The following DUSP22 variants were observed in gnomAD, a reference collection of about 807,000 sequenced individuals.
The protein encoded by DUSP22 is dual specificity phosphatase 22, also known as dual specificity protein phosphatase 22.
Under a neutral mutation model 24.5 loss-of-function variants are expected in DUSP22, and 24 were observed. The ratio of observed to expected loss-of-function variants is 0.98; its 90% CI spans 0.71 to 1.38. DUSP22 has a LOEUF of 1.38. Among genes scored for constraint, DUSP22 ranks in the 40% most tolerant of loss-of-function variants. DUSP22 has a pLI of 0.00. For synonymous variants in DUSP22, 160 were observed against 106.4 expected, an observed-to-expected ratio of 1.50 and a Z score of -3.10; for missense variants, 330 against 269.2, an observed-to-expected ratio of 1.23 and a Z score of -1.58.
chr6:338,226 G>T (rs1231533826), intron 4 of DUSP22: 1 of 152,368 alleles, frequency 6.6e-6, no homozygotes, highest in Admixed American at 6.5e-5. Context: ...TGTAAATATT[G>T]CTTGCTGTAC....
At chr6:318,950 C>G (rs1024764881) in intron 3 of DUSP22, among the ~76,000 whole-genome samples, 2 of 152,294 alleles carry the variant, frequency 1.3e-5, no homozygotes. Context: ...AGGATGATAC[C>G]CATCATATAA....
intron 3 of DUSP22, among the ~76,000 whole-genome samples, chr6:316,517 C>T (rs1352458619): frequency 6.6e-6 from 1 of 152,300 alleles, no homozygotes; most frequent in Non-Finnish European, 1.5e-5. Flanking sequence ...ACTGATGGCT[C>T]CAGGTTTGAG....
At chr6:318,094 C>T (rs1210224142) in intron 3 of DUSP22, among the ~76,000 whole-genome samples, 1 of 152,308 alleles carries the variant, frequency 6.6e-6, no homozygotes. Flanking sequence ...TCCTGTTCTA[C>T]AGAGCTGCTG....
intron 4 of DUSP22, among the ~76,000 whole-genome samples, chr6:341,192 C>T (rs1360050925): frequency 6.6e-6 from 1 of 152,304 alleles, no homozygotes; most frequent in Non-Finnish European, 1.5e-5. Flanking sequence ...TGGTCCGGTC[C>T]GTGCTTCCTT....
intron 3 of DUSP22, among the ~76,000 whole-genome samples, chr6:329,980 C>G (rs1451563665): frequency 6.6e-6 from 1 of 152,272 alleles, no homozygotes; most frequent in African/African-American, 2.4e-5. Context: ...TGAGAGTTCG[C>G]TGGCTGGTTT....
At chr6:307,589 A>C (rs1757867307) in intron 2 of DUSP22, among the ~76,000 whole-genome samples, 1 of 152,304 alleles carries the variant, frequency 6.6e-6, no homozygotes, top group Admixed American at 6.5e-5. Flanking sequence ...CCAGGAGGGA[A>C]GGCAGGGAGT....
At chr6:321,138 A>G (rs552110444) in intron 3 of DUSP22, among the ~76,000 whole-genome samples, 106 of 152,386 alleles carry the variant, frequency 7.0e-4, no homozygotes, top group African/African-American at 2.3e-3. Context: ...GATGGAGATG[A>G]CAGGTGAGTT....
At chr6:335,430 A>T (rs1376858646) in intron 4 of DUSP22, among the ~76,000 whole-genome samples, 1 of 152,428 alleles carries the variant, frequency 6.6e-6, no homozygotes, top group Non-Finnish European at 1.5e-5. Context: ...TTTACAAAGG[A>T]TACCTTAAAC....
intron 1 of DUSP22, among the ~76,000 whole-genome samples, chr6:293,846 T>G (rs1757205390): frequency 7.0e-6 from 1 of 143,316 alleles, no homozygotes; most frequent in Non-Finnish European, 1.5e-5. Context: ...GGAAACAGAC[T>G]GTCTCTCTCT....
At position 350,925 on chromosome 6, in the gene DUSP22, A is replaced by G; in HGVS notation, c.*1974A>G. ...CACAGAGTTTAGGCTGGTGCTGCCA[A>G]AAAGAAAAGCAACATAGAGTTTAAG... is the stretch of plus-strand genomic sequence containing the variant. On this transcript the variant is annotated 3_prime_UTR_variant, in exon 7 of 7. Coordinates refer to ENST00000419235, the MANE Select transcript of DUSP22 (RefSeq NM_001286555.3). The G allele has an allele frequency of 6.2e-7, 1 of 1,608,318 alleles. No individual in the cohort carries two copies. Among genetic ancestry groups the G allele is most frequent in the South Asian group, 1.1e-5 (1 of 90,372 alleles).
Position 292,576 on chromosome 6 carries a change from G to C in DUSP22, c.21+16G>C, listed in dbSNP as rs776241562. The C allele has an allele frequency of 1.3e-6, 2 of 1,594,548 alleles. No individual in the cohort carries two copies. Among genetic ancestry groups the C allele is most frequent in the South Asian group, 2.2e-5 (2 of 89,738 alleles). The stretch of plus-strand genomic sequence containing the variant: ...GATGAACAAGGTAACGTCTTCCCTC[G>C]TTCGCGCTGGGTTTGCCTCCGCTCC... On this transcript the variant is annotated intron_variant, in intron 1 of 6. Transcript: ENST00000419235.
At position 350,307 on chromosome 6, in the gene DUSP22, GC is replaced by G; in HGVS notation, c.*1357del. 6.0e-6 allele frequency: 6 copies of G among 998,858 alleles called. No homozygotes were observed. Among genetic ancestry groups the G allele is most frequent in the Non-Finnish European group, 7.2e-6 (6 of 838,462 alleles). The allele number at this position is 998,858 out of a possible 1,614,324, so 61.9% of individuals were successfully genotyped here. On this transcript the variant is annotated 3_prime_UTR_variant, in exon 7 of 7. Coordinates refer to ENST00000419235, the MANE Select transcript of DUSP22 (RefSeq NM_001286555.3). ...GAGCATCTACAGTTTGTACTCTGGG[GC>G]TGCAGGCATCCTGGGACGCTGTACG...
intron 3 of DUSP22, among the ~76,000 whole-genome samples, chr6:323,455 G>A (rs1167249969): frequency 1.3e-5 from 2 of 152,418 alleles, no homozygotes; most frequent in African/African-American, 2.4e-5. Flanking sequence ...GCGTGGGAAC[G>A]AAGTAGGTGC....
chr6:341,234 G>T, intron 4 of DUSP22, among the ~76,000 whole-genome samples: 1 of 152,312 alleles, frequency 6.6e-6, no homozygotes, highest in East Asian at 1.9e-4. Context: ...TGTGGACTGA[G>T]CCTATTCCAC....
intron 3 of DUSP22, among the ~76,000 whole-genome samples, chr6:332,477 G>T (rs1435837967): frequency 6.6e-6 from 1 of 152,302 alleles, no homozygotes; most frequent in African/African-American, 2.4e-5. Context: ...CTGCCTCATG[G>T]GACCAGCCTG....
chr6:350,509 G>C lies in DUSP22; in HGVS notation c.*1558G>C. The C allele has an allele frequency of 7.7e-7, 1 of 1,292,082 alleles. No homozygotes were observed. The highest frequency in any genetic ancestry group is 3.0e-4 in the Middle Eastern group (1 of 3,308). The allele number at this position is 1,292,082 out of a possible 1,614,324, so 80.0% of individuals were successfully genotyped here. A position where few individuals can be genotyped will look rare whatever the true frequency, so the allele number is the denominator to read the frequency against. ...AGCAGTTTTCCTGTGCATATAGAGGGTGTGTCAAAGGTGAGCTTTTTGGGG... is the reference window on the plus strand; with the variant it reads ...AGCAGTTTTCCTGTGCATATAGAGGCTGTGTCAAAGGTGAGCTTTTTGGGG... On this transcript the variant is annotated 3_prime_UTR_variant, in exon 7 of 7. Coordinates refer to ENST00000419235, the MANE Select transcript of DUSP22 (RefSeq NM_001286555.3).
chr6:345,224 C>CTTTTTTTTT (rs4061670), intron 4 of DUSP22, among the ~76,000 whole-genome samples: 2 of 146,032 alleles, frequency 1.4e-5, no homozygotes, highest in African/African-American at 2.5e-5. Flanking sequence ...TGGTTTCTTT[C>CTTTTTTTTT]TTTTTTTTTT....
At chr6:348,009 C>A (rs141017381) in intron 5 of DUSP22, 94 bp from the exon 6 acceptor site, 63 of 1,542,870 alleles carry the variant, frequency 4.1e-5, no homozygotes, top group Middle Eastern at 1.9e-4. Flanking sequence ...ACTTTCTGAA[C>A]AAGGTCCTTA....
Position 349,109 on chromosome 6 carries a change from T to C in DUSP22, c.*158T>C. On this transcript the variant is annotated 3_prime_UTR_variant, in exon 7 of 7. Coordinates refer to ENST00000419235, the MANE Select transcript of DUSP22 (RefSeq NM_001286555.3). ...CCCAAGCAACACCGCCCAGCCCTGC[T>C]CCAGGCCCCTGCACTCCGCCCACCC... 1 of 1,449,056 alleles carries C rather than the reference T, an allele frequency of 6.9e-7. No homozygotes were observed. The highest frequency in any genetic ancestry group is 2.5e-5 in the East Asian group (1 of 40,132). The allele number at this position is 1,449,056 out of a possible 1,614,324, so 89.8% of individuals were successfully genotyped here.
Sources: allele counts gnomAD v4.1 joint callset (sites outside exome capture counted in the v4.1 genomes callset), GRCh38; gene constraint gnomAD v4.1.1; transcripts MANE v1.5; gene names NCBI Gene and HGNC (gene_info 2026-07-23, HGNC 2026-07-21).